The following MYO9B variants were observed in gnomAD, a reference collection of about 807,000 sequenced individuals.
MYO9B encodes the protein unconventional myosin-IXb.
Under a neutral mutation model 229.5 loss-of-function variants are expected in MYO9B, and 71 were observed. The ratio of observed to expected loss-of-function variants is 0.31; its 90% CI spans 0.26 to 0.38. MYO9B has a LOEUF of 0.38. MYO9B is among the 10% of genes least tolerant of loss of function. The pLI, the probability that MYO9B is intolerant of heterozygous loss-of-function variation, is 1.00. For missense variants in MYO9B, 2,255 were observed against 2,920.5 expected (o/e 0.77, Z 5.25); for synonymous variants, 1,185 against 1,235.8 (o/e 0.96, Z 0.86).
intron 3 of MYO9B, among the ~76,000 whole-genome samples, chr19:17,148,041 C>A (rs2072435162): frequency 6.6e-6 from 1 of 152,124 alleles, no homozygotes; most frequent in African/African-American, 2.4e-5. Flanking sequence ...ATTTTACCTT[C>A]CCACCAGCAG....
In MYO9B at chr19:17,159,361, C is replaced by T. The variant is rs753913076; in HGVS notation, c.1330-34C>T. On this transcript the variant is annotated intron_variant, in intron 7 of 39. Coordinates refer to ENST00000682292, the MANE Select transcript of MYO9B (RefSeq NM_004145.4). ...CATGCCTGATAAGTCCTCCATCTCC[C>T]TTTTCCTTCTCCCTCTCCTTGACCT... The T allele has an allele frequency of 3.8e-6, 6 of 1,559,168 alleles. No individual in the cohort carries two copies. The South Asian group carries it at 7.1e-5, about 18-fold the overall frequency.
chr19:17,179,907 AATAAAAT>A (rs1293366331), intron 14 of MYO9B, among the ~76,000 whole-genome samples: 1 of 149,930 alleles, frequency 6.7e-6, no homozygotes, highest in African/African-American at 2.5e-5. Flanking sequence ...TCCAAAAAAA[AATAAAAT>A]AAAAATAAAA....
At chr19:17,099,745 G>A (rs2057726633) in intron 1 of MYO9B, among the ~76,000 whole-genome samples, 1 of 151,658 alleles carries the variant, frequency 6.6e-6, no homozygotes, top group Non-Finnish European at 1.5e-5. Flanking sequence ...GTGAACCCGG[G>A]AGGCGGAGCT....
intron 1 of MYO9B, among the ~76,000 whole-genome samples, chr19:17,097,711 A>G (rs935738556): frequency 6.6e-6 from 1 of 151,828 alleles, no homozygotes; most frequent in Non-Finnish European, 1.5e-5. Flanking sequence ...CCCTTCTAAC[A>G]CTTCTGCAGG....
intron 1 of MYO9B, 50 bp downstream of exon 1, chr19:17,075,924 T>C (rs1230580028): frequency 6.6e-6 from 1 of 150,914 alleles, no homozygotes; most frequent in East Asian, 2.0e-4. Flanking sequence ...AAGCCTGCCT[T>C]TGGGGGCTGC....
rs201888737 is a variant in MYO9B at position 17,195,333 on chromosome 19, C to G, written c.3906C>G (p.Asp1302Glu). Reference sequence around the variant, plus strand: ...CCACGCAGATCCAGCGGTACCTGGACGCCGAGCGGCTGGCCAGCGCCGTGG... The same window carrying G: ...CCACGCAGATCCAGCGGTACCTGGAGGCCGAGCGGCTGGCCAGCGCCGTGG... ...GGSTQIQRYL[D>E]AERLASAVEL... The change falls in exon 22 of 40, where the codon GAC becomes GAG. Residue 1302 changes from aspartate to glutamate, a missense_variant. Asp to Glu is a conservative substitution (Grantham distance 45, BLOSUM62 2). This residue lies in a region of MYO9B where 679 missense variants were observed against 770.2 expected (regional missense o/e 0.88). Transcript: ENST00000682292. The surrounding 1 kb of genome is among the most constrained non-coding windows in gnomAD (Gnocchi z 4.5). The G allele has an allele frequency of 2.0e-4, 325 of 1,612,492 alleles. 1 individual carries two copies. The African/African-American group carries it at 4.0e-3, about 20-fold the overall frequency.
At chr19:17,117,953 A>AAAG (rs1555803205) in intron 2 of MYO9B, among the ~76,000 whole-genome samples, 1 of 151,322 alleles carries the variant, frequency 6.6e-6, no homozygotes, top group African/African-American at 2.4e-5. Context: ...AAAAAAAAAA[A>AAAG]AAAAGAAAAG....
At chr19:17,076,163 T>G (rs2057481266) in intron 1 of MYO9B, among the ~76,000 whole-genome samples, 1 of 147,248 alleles carries the variant, frequency 6.8e-6, no homozygotes. Context: ...TAAGTGGTAA[T>G]TGGGGGGTCG....
chr19:17,106,896 C>G (rs1215447612), intron 2 of MYO9B, among the ~76,000 whole-genome samples: 1 of 152,166 alleles, frequency 6.6e-6, no homozygotes, highest in East Asian at 1.9e-4. Flanking sequence ...AACCCCGTCT[C>G]TACTAAAAAT....
At chr19:17,113,735 TA>T (rs1385363140) in intron 2 of MYO9B, among the ~76,000 whole-genome samples, 3 of 151,280 alleles carry the variant, frequency 2.0e-5, no homozygotes, top group African/African-American at 4.9e-5. Context: ...TGCACAAAGG[TA>T]GGGGGAAGCA....
In MYO9B at chr19:17,183,764, GA is replaced by G. The variant is rs373825915; in HGVS notation, c.2334-63del. The stretch of plus-strand genomic sequence containing the variant: ...TCTAACCCGCCAGGCGTGGCTTGCT[GA>G]ACTAACCCAAATCCCGACACTGTGT... On this transcript the variant is annotated intron_variant, in intron 15 of 39. Coordinates refer to ENST00000682292, the MANE Select transcript of MYO9B (RefSeq NM_004145.4). 305 of 1,434,968 alleles carry G rather than the reference GA, an allele frequency of 2.1e-4. 3 individuals carry two copies. In the African/African-American group the frequency reaches 3.9e-3, roughly 18 times the overall value. 88.9% of individuals were successfully genotyped at this position (1,434,968 alleles called of 1,614,324 possible). A position where few individuals can be genotyped will look rare whatever the true frequency, so the allele number is the denominator to read the frequency against.
chr19:17,193,116 C>T lies in MYO9B; in HGVS notation c.3128+54C>T. ...AATATTCCAGAAGCCAAAAAGGTCA[C>T]TCACCAAATTGCTGCCCGTGATATA... On this transcript the variant is annotated intron_variant, in intron 21 of 39. Coordinates refer to ENST00000682292, the MANE Select transcript of MYO9B (RefSeq NM_004145.4). This position sits in a 1 kb window ranked among gnomAD's most constrained non-coding sequence, Gnocchi z 4.3. 1 of 1,416,994 alleles carries T rather than the reference C, an allele frequency of 7.1e-7. No individual in the cohort carries two copies. The highest frequency in any genetic ancestry group is 1.4e-5 in the African/African-American group (1 of 69,276). 87.8% of individuals were successfully genotyped at this position (1,416,994 alleles called of 1,614,324 possible).
At chr19:17,183,984 T>C in intron 16 of MYO9B, 116 bp downstream of exon 16, 1 of 993,342 alleles carries the variant, frequency 1.0e-6, no homozygotes, top group Non-Finnish European at 1.5e-6. Context: ...TATCTCCCCC[T>C]CCCTCCAAGA....
intron 3 of MYO9B, among the ~76,000 whole-genome samples, chr19:17,146,078 G>A (rs1242284900): frequency 6.6e-6 from 1 of 151,762 alleles, no homozygotes; most frequent in African/African-American, 2.4e-5. Context: ...TGCATGGATG[G>A]CTGAATGGAT....
In MYO9B at chr19:17,192,516, A is replaced by G. The variant is rs553399390; in HGVS notation, c.2812-230A>G. The stretch of plus-strand genomic sequence containing the variant: ...AGGCTGAGGCAGGAGAATCACTTCA[A>G]CCCAGTAGGCGGAGGTTGCAGTGAG... On this transcript the variant is annotated intron_variant, in intron 20 of 39. Coordinates refer to ENST00000682292, the MANE Select transcript of MYO9B (RefSeq NM_004145.4). Among the ~76,000 whole-genome samples, 12 of 151,876 alleles carry G rather than the reference A, an allele frequency of 7.9e-5. No individual in the cohort carries two copies. The South Asian group carries it at 2.3e-3, about 29-fold the overall frequency.
At chr19:17,188,121 T>C (rs1000966223) in intron 19 of MYO9B, 76 bp downstream of exon 19, 45 of 1,332,866 alleles carry the variant, frequency 3.4e-5, no homozygotes, top group Non-Finnish European at 4.4e-5. Context: ...AGAGAGCTCC[T>C]TGCTGGAGTG....
At chr19:17,210,576 C>T (rs757021488) in intron 37 of MYO9B, 139 bp from the exon 38 acceptor site, 132 of 1,278,848 alleles carry the variant, frequency 1.0e-4, no homozygotes, top group Non-Finnish European at 8.2e-5. Flanking sequence ...CCACTCTGTC[C>T]CATGGGATTC....
chr19:17,094,519 C>T (rs540677434), intron 1 of MYO9B, among the ~76,000 whole-genome samples: 1 of 152,252 alleles, frequency 6.6e-6, no homozygotes, highest in Non-Finnish European at 1.5e-5. Flanking sequence ...AAGCAGCCAC[C>T]GATCAGCTTT....
rs370540771 is a variant in MYO9B at position 17,097,107 on chromosome 19, C to T, written c.-58-4553C>T. The stretch of plus-strand genomic sequence containing the variant: ...TCACTTGAAGTCAGGAGTTCGAGAC[C>T]AGCCTAGTCAACATGGCTGTCTCTA... On this transcript the variant is annotated intron_variant, in intron 1 of 39. Coordinates refer to ENST00000682292, the MANE Select transcript of MYO9B (RefSeq NM_004145.4). Among the ~76,000 whole-genome samples the T allele has an allele frequency of 1.2e-3, 181 of 151,860 alleles. 1 individual carries two copies. The highest frequency in any genetic ancestry group is 4.2e-3 in the East Asian group (21 of 5,058).
Sources: gnomAD v4.1 joint callset for allele counts (sites outside exome capture counted in the v4.1 genomes callset) on GRCh38, gnomAD v4.1.1 for gene constraint, gnomAD v4.1.1 regional missense constraint, Gnocchi (gnomAD v3.1) non-coding constraint, MANE v1.5 for transcripts, NCBI Gene and HGNC (gene_info 2026-07-23, HGNC 2026-07-21) for gene names.